Variants in MAPKAP1 observed in about 807,000 individuals in gnomAD.
MAPKAP1 encodes MAPK associated protein 1.
Under a neutral mutation model 65.7 loss-of-function variants are expected in MAPKAP1, and 20 were observed. The ratio of observed to expected loss-of-function variants is 0.30; its 90% CI spans 0.21 to 0.44. The LOEUF (loss-of-function observed/expected upper bound fraction) is 0.44, where lower values mean the gene tolerates loss of function less well. Among genes scored for constraint, MAPKAP1 ranks in the 20% least tolerant of loss-of-function variants. The pLI, the probability that MAPKAP1 is intolerant of heterozygous loss-of-function variation, is 1.00. For missense variants in MAPKAP1, 423 were observed against 648.0 expected (o/e 0.65, Z 3.77); for synonymous variants, 222 against 244.3 (o/e 0.91, Z 0.85).
chr9:125,539,593 T>G (rs902303944), intron 7 of MAPKAP1, among the ~76,000 whole-genome samples: 1 of 152,202 alleles, frequency 6.6e-6, no homozygotes, highest in Non-Finnish European at 1.5e-5. Flanking sequence ...AGGTCACTGA[T>G]TGTGAGGGTA....
chr9:125,466,945 G>A (rs1486011536), intron 10 of MAPKAP1, among the ~76,000 whole-genome samples: 1 of 152,312 alleles, frequency 6.6e-6, no homozygotes, highest in Non-Finnish European at 1.5e-5. Flanking sequence ...AACTTGAATC[G>A]TATTACAAAC....
At chr9:125,478,354 G>T (rs1322023248) in intron 9 of MAPKAP1, among the ~76,000 whole-genome samples, 5 of 152,036 alleles carry the variant, frequency 3.3e-5, no homozygotes, top group Admixed American at 6.5e-5. Flanking sequence ...TAGAGACAGG[G>T]TCTTGCTTTG....
intron 6 of MAPKAP1, among the ~76,000 whole-genome samples, chr9:125,551,740 T>C (rs948031215): frequency 6.6e-6 from 1 of 151,910 alleles, no homozygotes; most frequent in African/African-American, 2.4e-5. Flanking sequence ...AAGGTAATAA[T>C]ACTACCACAG....
At position 125,506,414 on chromosome 9, in the gene MAPKAP1, G is replaced by C; in HGVS notation, c.962C>G (p.Pro321Arg). The change falls in exon 8 of 12, where the codon CCT becomes CGT. Residue 321 changes from proline (P) to arginine (R), a missense_variant. Transcript: ENST00000265960. ...GCTCTGCTTCTCCAGGCGGTACTGAGGGCCTGGAAGATCAAAGGGGCAGGA... is the reference window on the plus strand; with the variant it reads ...GCTCTGCTTCTCCAGGCGGTACTGACGGCCTGGAAGATCAAAGGGGCAGGA... The part of the protein sequence containing the change: ...RRKGSQKVSG[P>R]QYRLEKQSEP... The C allele has an allele frequency of 6.2e-7, 1 of 1,613,752 alleles. No individual in the cohort carries two copies. The highest frequency in any genetic ancestry group is 8.5e-7 in the Non-Finnish European group (1 of 1,179,716).
At chr9:125,554,232 C>T (rs1830669584) in intron 6 of MAPKAP1, among the ~76,000 whole-genome samples, 1 of 152,156 alleles carries the variant, frequency 6.6e-6, no homozygotes, top group Admixed American at 6.5e-5. Context: ...TCTCTATGAA[C>T]AGTCTTGCTG....
intron 4 of MAPKAP1, among the ~76,000 whole-genome samples, chr9:125,645,475 G>A (rs1343366362): frequency 6.6e-6 from 1 of 152,140 alleles, no homozygotes; most frequent in Non-Finnish European, 1.5e-5. Flanking sequence ...GGTGGCTCAC[G>A]CCTATGATCC....
At chr9:125,662,812 A>G (rs927376101) in intron 3 of MAPKAP1, among the ~76,000 whole-genome samples, 2 of 152,020 alleles carry the variant, frequency 1.3e-5, no homozygotes, top group African/African-American at 4.8e-5. Flanking sequence ...GAGAATATTA[A>G]AATAATATTA....
intron 4 of MAPKAP1, among the ~76,000 whole-genome samples, chr9:125,627,101 T>C (rs1305729127): frequency 6.6e-6 from 1 of 152,208 alleles, no homozygotes; most frequent in African/African-American, 2.4e-5. Context: ...GTGCAATTCA[T>C]ATGTAACAAT....
intron 4 of MAPKAP1, among the ~76,000 whole-genome samples, chr9:125,587,768 T>C (rs1319870150): frequency 6.6e-6 from 1 of 152,002 alleles, no homozygotes; most frequent in Non-Finnish European, 1.5e-5. Context: ...AACAGACATT[T>C]CTCCAAAGAA....
At chr9:125,455,047 C>A (rs1049502155) in intron 10 of MAPKAP1, among the ~76,000 whole-genome samples, 1 of 151,164 alleles carries the variant, frequency 6.6e-6, no homozygotes, top group Middle Eastern at 3.4e-3. Flanking sequence ...AAAAAAAAAA[C>A]CCAAAAAACA....
intron 7 of MAPKAP1, among the ~76,000 whole-genome samples, chr9:125,540,256 A>C (rs1830203144): frequency 6.6e-6 from 1 of 152,252 alleles, no homozygotes; most frequent in South Asian, 2.1e-4. Context: ...GAAGGACAAG[A>C]GAGCAAACAT....
chr9:125,480,517 G>A (rs925419255), intron 9 of MAPKAP1, among the ~76,000 whole-genome samples: 1 of 152,134 alleles, frequency 6.6e-6, no homozygotes, highest in Non-Finnish European at 1.5e-5. Context: ...TACCTGACAA[G>A]TCTCCATTAT....
chr9:125,706,751 G>C (rs908133183), intron 1 of MAPKAP1, among the ~76,000 whole-genome samples: 1 of 151,812 alleles, frequency 6.6e-6, no homozygotes, highest in African/African-American at 2.4e-5. Flanking sequence ...TACCAGGTCA[G>C]CTGGCTTCTT....
intron 4 of MAPKAP1, among the ~76,000 whole-genome samples, chr9:125,630,271 G>A (rs546797173): frequency 2.6e-5 from 4 of 152,174 alleles, no homozygotes; most frequent in East Asian, 1.9e-4. Flanking sequence ...GACAACAGGC[G>A]CGTGCCACCA....
At chr9:125,519,652 TTATA>T (rs146480033) in intron 7 of MAPKAP1, among the ~76,000 whole-genome samples, 4 of 141,708 alleles carry the variant, frequency 2.8e-5, no homozygotes, top group African/African-American at 5.1e-5. Flanking sequence ...TATATGTCTT[TTATA>T]TATATATATA....
intron 5 of MAPKAP1, among the ~76,000 whole-genome samples, chr9:125,567,379 T>G (rs762176111): frequency 2.0e-5 from 3 of 152,134 alleles, no homozygotes; most frequent in Admixed American, 6.5e-5. Flanking sequence ...TAAAACCCAC[T>G]GAAACCAAAA....
intron 7 of MAPKAP1, among the ~76,000 whole-genome samples, chr9:125,518,835 A>G (rs1020769430): frequency 6.6e-6 from 1 of 152,246 alleles, no homozygotes; most frequent in African/African-American, 2.4e-5. Context: ...TTTGTGAAAC[A>G]CACAGCACAA....
intron 4 of MAPKAP1, among the ~76,000 whole-genome samples, chr9:125,601,571 G>A (rs1040746288): frequency 6.6e-6 from 1 of 152,166 alleles, no homozygotes; most frequent in Non-Finnish European, 1.5e-5. Context: ...AATCTTTCAT[G>A]CACATCCAGC....
chr9:125,688,617 TTGGGAGGCAGAGA>T (rs1283922846), intron 1 of MAPKAP1, among the ~76,000 whole-genome samples: 2 of 152,000 alleles, frequency 1.3e-5, no homozygotes, highest in Non-Finnish European at 2.9e-5. Flanking sequence ...TCCCAACACT[TTGGGAGGCAGAGA>T]TGGGCGGATT....
Sources: allele counts gnomAD v4.1 joint callset (sites outside exome capture counted in the v4.1 genomes callset), GRCh38; gene constraint gnomAD v4.1.1; transcripts MANE v1.5; gene names NCBI Gene and HGNC (gene_info 2026-07-23, HGNC 2026-07-21).